The following ZNF704 variants were observed in gnomAD, a reference collection of about 807,000 sequenced individuals.
ZNF704 encodes glucocorticoid induced gene 1.
A neutral mutation model predicts 44.7 loss-of-function variants in ZNF704; 10 were observed. The observed-to-expected ratio is 0.22, with a 90% CI of 0.14 to 0.38. ZNF704 has a LOEUF of 0.38. ZNF704 is among the 10% of genes least tolerant of loss of function. ZNF704 has a pLI of 1.00. For synonymous variants in ZNF704, 211 were observed against 207.6 expected, an observed-to-expected ratio of 1.02 and a Z score of -0.14; for missense variants, 390 against 545.5, an observed-to-expected ratio of 0.71 and a Z score of 2.84.
At chr8:80,641,530 C>T in intron 8 of ZNF704, 53 bp from the exon 9 acceptor site, 2 of 1,019,546 alleles carry the variant, frequency 2.0e-6, no homozygotes, top group South Asian at 1.7e-5. Flanking sequence ...AATGGGCATT[C>T]TATGGAGAGC....
intron 2 of ZNF704, among the ~76,000 whole-genome samples, chr8:80,799,551 C>T (rs1040050602): frequency 1.3e-5 from 2 of 152,058 alleles, no homozygotes; most frequent in African/African-American, 4.8e-5. Context: ...CCCCAGCAAA[C>T]CACAGTAATC....
intron 4 of ZNF704, among the ~76,000 whole-genome samples, chr8:80,675,948 G>A (rs550908228): frequency 2.0e-5 from 3 of 152,270 alleles, no homozygotes; most frequent in African/African-American, 7.2e-5. Flanking sequence ...GTGCACTGCA[G>A]CATCCAATAT....
intron 2 of ZNF704, among the ~76,000 whole-genome samples, chr8:80,783,279 A>G (rs1442894451): frequency 6.6e-6 from 1 of 152,218 alleles, no homozygotes; most frequent in Non-Finnish European, 1.5e-5. Flanking sequence ...AGGAGTTTGA[A>G]GCCATCACAC....
intron 2 of ZNF704, among the ~76,000 whole-genome samples, chr8:80,770,285 T>G (rs981713331): frequency 5.3e-5 from 8 of 152,204 alleles, no homozygotes; most frequent in African/African-American, 1.9e-4. Context: ...ATTATGAGGA[T>G]TCCTCACGAT....
chr8:80,778,996 CT>C (rs1277737631), intron 2 of ZNF704, among the ~76,000 whole-genome samples: 6 of 152,012 alleles, frequency 3.9e-5, no homozygotes, highest in Non-Finnish European at 8.8e-5. Context: ...ACATGTACCC[CT>C]GAACCGAAAA....
intron 2 of ZNF704, among the ~76,000 whole-genome samples, chr8:80,704,823 AC>A (rs1173738268): frequency 6.6e-6 from 1 of 152,168 alleles, no homozygotes; most frequent in African/African-American, 2.4e-5. Context: ...CTTTATAATA[AC>A]CTTCATAATA....
intron 2 of ZNF704, among the ~76,000 whole-genome samples, chr8:80,721,643 T>C (rs556027114): frequency 6.6e-6 from 1 of 152,298 alleles, no homozygotes; most frequent in South Asian, 2.1e-4. Context: ...TTCCACCATA[T>C]ACAAAATGAT....
At chr8:80,791,869 T>C (rs970940096) in intron 2 of ZNF704, among the ~76,000 whole-genome samples, 1 of 152,172 alleles carries the variant, frequency 6.6e-6, no homozygotes. Flanking sequence ...GAGAGGTTTG[T>C]AGGTGGCTGG....
At chr8:80,750,594 C>T (rs1586001094) in intron 2 of ZNF704, among the ~76,000 whole-genome samples, 1 of 151,822 alleles carries the variant, frequency 6.6e-6, no homozygotes, top group Admixed American at 6.6e-5. Flanking sequence ...CGGCTCACTG[C>T]ACTCTCTGCC....
chr8:80,652,322 C>A (rs186110053), intron 7 of ZNF704, among the ~76,000 whole-genome samples: 2 of 151,724 alleles, frequency 1.3e-5, no homozygotes, highest in Non-Finnish European at 2.9e-5. Flanking sequence ...AAGATCAGAG[C>A]AGAACTGAAA....
intron 2 of ZNF704, among the ~76,000 whole-genome samples, chr8:80,738,894 A>G (rs1474193946): frequency 1.3e-5 from 2 of 152,172 alleles, no homozygotes; most frequent in African/African-American, 2.4e-5. Flanking sequence ...AAGATGGTCA[A>G]TCCCTTTATG....
At chr8:80,644,592 A>G (rs1422768215) in intron 7 of ZNF704, among the ~76,000 whole-genome samples, 3 of 152,182 alleles carry the variant, frequency 2.0e-5, no homozygotes, top group Non-Finnish European at 4.4e-5. Context: ...GCAGGAAAAA[A>G]CAAAAACAGC....
chr8:80,750,295 G>A (rs1024872084), intron 2 of ZNF704, among the ~76,000 whole-genome samples: 4 of 150,926 alleles, frequency 2.7e-5, no homozygotes, highest in African/African-American at 9.8e-5. Context: ...GTAACACAAC[G>A]CTACTCAATA....
intron 7 of ZNF704, among the ~76,000 whole-genome samples, chr8:80,659,224 TTA>T (rs1818060776): frequency 2.0e-5 from 3 of 152,158 alleles, no homozygotes; most frequent in Non-Finnish European, 1.5e-5. Context: ...GTAATAAATT[TTA>T]TAGTTACTTA....
chr8:80,729,268 T>C (rs1806535672), intron 2 of ZNF704, among the ~76,000 whole-genome samples: 1 of 152,126 alleles, frequency 6.6e-6, no homozygotes, highest in South Asian at 2.1e-4. Context: ...GGGTGGGGGC[T>C]GTCAGGTTAG....
chr8:80,652,030 A>G (rs1817929016), intron 7 of ZNF704, among the ~76,000 whole-genome samples: 1 of 152,206 alleles, frequency 6.6e-6, no homozygotes, highest in Non-Finnish European at 1.5e-5. Context: ...AAACCGCTCA[A>G]CTACATGGAA....
chr8:80,767,377 A>G (rs1042310168), intron 2 of ZNF704, among the ~76,000 whole-genome samples: 2 of 151,996 alleles, frequency 1.3e-5, no homozygotes, highest in Non-Finnish European at 2.9e-5. Context: ...TGTAAAATAT[A>G]AGGAACTCCA....
At chr8:80,789,096 T>C (rs764174423) in intron 2 of ZNF704, among the ~76,000 whole-genome samples, 11 of 152,194 alleles carry the variant, frequency 7.2e-5, no homozygotes, top group Non-Finnish European at 1.5e-4. Flanking sequence ...TTTCCTACAA[T>C]GATCAATGCT....
intron 2 of ZNF704, among the ~76,000 whole-genome samples, chr8:80,735,896 T>A (rs1806657252): frequency 6.6e-6 from 1 of 152,180 alleles, no homozygotes. Context: ...ATGCAGCAAA[T>A]GTTGCTTTGG....
Sources: allele counts gnomAD v4.1 joint callset (sites outside exome capture counted in the v4.1 genomes callset), GRCh38; gene constraint gnomAD v4.1.1; transcripts MANE v1.5; gene names NCBI Gene and HGNC (gene_info 2026-07-23, HGNC 2026-07-21).